PDE4D: variants seen among roughly 807,000 people sequenced by gnomAD.
PDE4D encodes the protein phosphodiesterase 4D.
A neutral mutation model predicts 87.4 loss-of-function variants in PDE4D; 24 were observed. The ratio of observed to expected loss-of-function variants is 0.27; its 90% CI spans 0.20 to 0.39. The LOEUF (loss-of-function observed/expected upper bound fraction) is 0.39, where lower values mean the gene tolerates loss of function less well. Ranked by LOEUF, PDE4D falls within the 10% of genes least tolerant of loss-of-function variation. PDE4D has a pLI of 1.00. For missense variants in PDE4D, 714 were observed against 1,041.0 expected (o/e 0.69, Z 4.32); for synonymous variants, 384 against 383.2 (o/e 1.00, Z -0.02).
chr5:60,284,283 A>C (rs1311442104), intron 1 of PDE4D, among the ~76,000 whole-genome samples: 1 of 152,204 alleles, frequency 6.6e-6, no homozygotes, highest in Admixed American at 6.5e-5. Flanking sequence ...TAATCATGAA[A>C]ATAAGGTAGC....
intron 6 of PDE4D, among the ~76,000 whole-genome samples, chr5:59,010,146 T>C (rs954570106): frequency 6.6e-6 from 1 of 152,026 alleles, no homozygotes; most frequent in Non-Finnish European, 1.5e-5. Flanking sequence ...GGCAATATGG[T>C]GAAACCCTGT....
chr5:59,662,002 A>C (rs1745327779), intron 1 of PDE4D, among the ~76,000 whole-genome samples: 1 of 152,206 alleles, frequency 6.6e-6, no homozygotes, highest in Admixed American at 6.5e-5. Context: ...TTGTCTGGTT[A>C]GCCACAAACT....
intron 1 of PDE4D, among the ~76,000 whole-genome samples, chr5:59,462,246 T>A (rs1582718773): frequency 6.6e-6 from 1 of 152,080 alleles, no homozygotes; most frequent in African/African-American, 2.4e-5. Flanking sequence ...GTCTTCATTA[T>A]CTTATTATAT....
chr5:60,341,994 C>A (rs1583472397), intron 1 of PDE4D, among the ~76,000 whole-genome samples: 1 of 152,232 alleles, frequency 6.6e-6, no homozygotes, highest in East Asian at 1.9e-4. Flanking sequence ...AAAGCAAATG[C>A]AAGAGAAACA....
At chr5:59,032,669 T>C (rs763859033) in intron 6 of PDE4D, among the ~76,000 whole-genome samples, 3 of 152,240 alleles carry the variant, frequency 2.0e-5, no homozygotes, top group Non-Finnish European at 4.4e-5. Flanking sequence ...TATTATGTTT[T>C]TACATTGCAA....
chr5:59,456,096 G>GA (rs1216628841), intron 1 of PDE4D, among the ~76,000 whole-genome samples: 3 of 152,180 alleles, frequency 2.0e-5, no homozygotes, highest in Non-Finnish European at 1.5e-5. Context: ...AAGACTTTGG[G>GA]AGACTGTTGG....
At chr5:60,016,408 T>C (rs1470563990) in intron 2 of PDE4D, among the ~76,000 whole-genome samples, 3 of 152,070 alleles carry the variant, frequency 2.0e-5, no homozygotes, top group African/African-American at 2.4e-5. Flanking sequence ...GTTGTGAAGG[T>C]TGGGGTGGCT....
chr5:59,406,596 G>A (rs1582435794), intron 1 of PDE4D, among the ~76,000 whole-genome samples: 4 of 152,166 alleles, frequency 2.6e-5, no homozygotes, highest in African/African-American at 9.6e-5. Flanking sequence ...CACCGTATTG[G>A]TCAGGCTGGT....
At chr5:60,250,870 C>A (rs1748354010) in intron 1 of PDE4D, among the ~76,000 whole-genome samples, 1 of 151,920 alleles carries the variant, frequency 6.6e-6, no homozygotes, top group Non-Finnish European at 1.5e-5. Flanking sequence ...GCATGGTCAT[C>A]AGAGACGATG....
intron 1 of PDE4D, among the ~76,000 whole-genome samples, chr5:59,503,020 T>C (rs1808599747): frequency 6.6e-6 from 1 of 151,942 alleles, no homozygotes; most frequent in Admixed American, 6.6e-5. Flanking sequence ...GAAAATAATC[T>C]AGAAGAATCT....
chr5:58,975,159 C>A lies in PDE4D; in HGVS notation c.2014-79G>T. On this transcript the variant is annotated intron_variant, in intron 14 of 14. Coordinates refer to ENST00000340635, the MANE Select transcript of PDE4D (RefSeq NM_001104631.2). This position sits in a 1 kb window ranked among gnomAD's most constrained non-coding sequence, Gnocchi z 4.2. ...GGAAAAGCTTAATTAGATCATGGCCCACAAATAAAACACTGAACAGAAGAC... is the reference window on the plus strand; with the variant it reads ...GGAAAAGCTTAATTAGATCATGGCCAACAAATAAAACACTGAACAGAAGAC... 1.2e-6 allele frequency: 1 copy of A among 845,846 alleles called. No homozygotes were observed. The highest frequency in any genetic ancestry group is 1.7e-6 in the Non-Finnish European group (1 of 587,924). The allele number at this position is 845,846 out of a possible 1,614,324, so 52.4% of individuals were successfully genotyped here.
chr5:60,479,762 C>T (rs1199064838), intron 1 of PDE4D, among the ~76,000 whole-genome samples: 2 of 152,214 alleles, frequency 1.3e-5, no homozygotes, highest in East Asian at 1.9e-4. Context: ...TTACAAAAAA[C>T]AGATTTGGCC....
At chr5:59,566,586 G>GAA (rs1820964407) in intron 1 of PDE4D, among the ~76,000 whole-genome samples, 1 of 145,870 alleles carries the variant, frequency 6.9e-6, no homozygotes, top group African/African-American at 2.6e-5. Context: ...GTGTGTGTGA[G>GAA]AGAATGAGAG....
intron 1 of PDE4D, among the ~76,000 whole-genome samples, chr5:60,465,822 A>G (rs750293001): frequency 9.9e-5 from 15 of 152,062 alleles, no homozygotes; most frequent in Non-Finnish European, 1.8e-4. Flanking sequence ...TCTAACACAA[A>G]ACCTACTTTA....
intron 1 of PDE4D, among the ~76,000 whole-genome samples, chr5:59,700,671 C>CA (rs1337427666): frequency 6.6e-6 from 1 of 152,144 alleles, no homozygotes; most frequent in Non-Finnish European, 1.5e-5. Flanking sequence ...TTATTACTTC[C>CA]AAAATTTACA....
At chr5:59,485,176 T>C (rs1280088674) in intron 1 of PDE4D, among the ~76,000 whole-genome samples, 16 of 152,206 alleles carry the variant, frequency 1.1e-4, no homozygotes, top group Admixed American at 1.0e-3. Flanking sequence ...GAAGACACAG[T>C]AAGTAGTTAC....
At chr5:60,359,082 G>A (rs969032639) in intron 1 of PDE4D, among the ~76,000 whole-genome samples, 4 of 152,164 alleles carry the variant, frequency 2.6e-5, no homozygotes, top group Non-Finnish European at 5.9e-5. Flanking sequence ...AAGAATATAT[G>A]TGGTCTTCCA....
At chr5:60,458,963 T>C (rs1561279798) in intron 1 of PDE4D, among the ~76,000 whole-genome samples, 2 of 151,648 alleles carry the variant, frequency 1.3e-5, no homozygotes, top group Non-Finnish European at 2.9e-5. Flanking sequence ...TAAAGTGGTG[T>C]GATTTTGGTA....
chr5:58,986,962 G>T (rs373768823), intron 11 of PDE4D, among the ~76,000 whole-genome samples: 34 of 151,110 alleles, frequency 2.3e-4, no homozygotes, highest in South Asian at 1.0e-3. Context: ...GTTTAAGATA[G>T]ATATATATAT....
Sources: gnomAD v4.1 joint callset for allele counts (sites outside exome capture counted in the v4.1 genomes callset) on GRCh38, gnomAD v4.1.1 for gene constraint, Gnocchi (gnomAD v3.1) non-coding constraint, MANE v1.5 for transcripts, NCBI Gene and HGNC (gene_info 2026-07-23, HGNC 2026-07-21) for gene names.